The following CENPQ variants were observed in gnomAD, a reference collection of about 807,000 sequenced individuals.
CENPQ encodes chromosome 6 open reading frame 139.
A neutral mutation model predicts 36.6 loss-of-function variants in CENPQ; 27 were observed. The ratio of observed to expected loss-of-function variants is 0.74; its 90% confidence interval spans 0.54 to 1.02. CENPQ has a LOEUF of 1.02. Ranked by LOEUF, CENPQ falls within the 50% of genes least tolerant of loss-of-function variation. The pLI is 0.00. For missense variants in CENPQ, 306 were observed against 301.8 expected (o/e 1.01, Z -0.10); for synonymous variants, 101 against 101.7 (o/e 0.99, Z 0.04).
chr6:49,476,727 GAA>G (rs1213719060), intron 5 of CENPQ, among the ~76,000 whole-genome samples: 1 of 151,844 alleles, frequency 6.6e-6, no homozygotes, highest in Non-Finnish European at 1.5e-5. Context: ...AAATTTACAA[GAA>G]AAAAACAACC....
chr6:49,469,452 G>C (rs1001145467), intron 1 of CENPQ, among the ~76,000 whole-genome samples: 1 of 151,994 alleles, frequency 6.6e-6, no homozygotes, highest in African/African-American at 2.4e-5. Flanking sequence ...TCATTCTTCT[G>C]TTCCTTTTAT....
intron 1 of CENPQ, among the ~76,000 whole-genome samples, chr6:49,465,768 T>C (rs1767986589): frequency 6.6e-6 from 1 of 152,188 alleles, no homozygotes; most frequent in Admixed American, 6.5e-5. Flanking sequence ...CGTCTTTGGT[T>C]TAAGGGCGTG....
chr6:49,469,822 A>G (rs1436802131), intron 1 of CENPQ, among the ~76,000 whole-genome samples: 1 of 152,136 alleles, frequency 6.6e-6, no homozygotes, highest in Admixed American at 6.5e-5. Context: ...GGACTTAAAC[A>G]TGGAGAGGAT....
At chr6:49,491,306 A>G (rs1404952585) in intron 8 of CENPQ, among the ~76,000 whole-genome samples, 1 of 152,214 alleles carries the variant, frequency 6.6e-6, no homozygotes. Flanking sequence ...GCTATGTAAC[A>G]TTCTGTTGTA....
Position 49,488,596 on chromosome 6 carries a change from T to C in CENPQ, c.598-11T>C. 2 of 1,610,772 alleles carry C rather than the reference T, an allele frequency of 1.2e-6. 1 individual carries two copies. Among genetic ancestry groups the C allele is most frequent in the South Asian group, 2.2e-5 (2 of 90,788 alleles). ...CTTTTTGAAATAATCTGTAGCTTTC[T>C]TCTACTTTAGATGCATCAAATAAAT... On this transcript the variant is annotated splice_polypyrimidine_tract_variant and intron_variant, in intron 7 of 8. Coordinates refer to ENST00000335783, the MANE Select transcript of CENPQ (RefSeq NM_018132.4).
At chr6:49,477,537 G>A (rs1157888463) in intron 5 of CENPQ, among the ~76,000 whole-genome samples, 1 of 150,510 alleles carries the variant, frequency 6.6e-6, no homozygotes, top group East Asian at 1.9e-4. Flanking sequence ...GCACAGTTGT[G>A]CACATGTACC....
chr6:49,470,952 A>AT (rs1561964546), intron 2 of CENPQ, 22 bp from the exon 3 acceptor site: 3 of 1,391,906 alleles, frequency 2.2e-6, no homozygotes, highest in Non-Finnish European at 2.9e-6. Flanking sequence ...GTTTATGTTT[A>AT]TGCATGTGTT....
At chr6:49,475,456 C>T (rs183970492) in intron 5 of CENPQ, among the ~76,000 whole-genome samples, 175 of 152,300 alleles carry the variant, frequency 1.1e-3, no homozygotes, top group African/African-American at 3.7e-3. Flanking sequence ...GACAAATCCA[C>T]AGCCAATGTC....
At chr6:49,488,240 G>A (rs1768634859) in intron 6 of CENPQ, 112 bp from the exon 7 acceptor site, 1 of 789,624 alleles carries the variant, frequency 1.3e-6, no homozygotes, top group Non-Finnish European at 1.9e-6. Flanking sequence ...TTCTAAAAAT[G>A]TTTTAAATAT....
intron 3 of CENPQ, among the ~76,000 whole-genome samples, chr6:49,471,527 C>CT (rs543158754): frequency 1.3e-5 from 2 of 152,024 alleles, no homozygotes; most frequent in African/African-American, 4.8e-5. Flanking sequence ...GTGTACAATA[C>CT]TTTTTTTTCC....
intron 5 of CENPQ, among the ~76,000 whole-genome samples, chr6:49,473,668 C>A (rs564140053): frequency 9.4e-4 from 143 of 152,238 alleles, no homozygotes; most frequent in Middle Eastern, 6.8e-3. Flanking sequence ...TCACACATAA[C>A]AATATTAACC....
intron 1 of CENPQ, among the ~76,000 whole-genome samples, chr6:49,469,005 T>C (rs1416904841): frequency 6.6e-6 from 1 of 152,078 alleles, no homozygotes; most frequent in Non-Finnish European, 1.5e-5. Context: ...AGAGAATGAG[T>C]GTTTGGTAAG....
At chr6:49,477,267 G>C (rs1167791720) in intron 5 of CENPQ, among the ~76,000 whole-genome samples, 1 of 152,112 alleles carries the variant, frequency 6.6e-6, no homozygotes, top group African/African-American at 2.4e-5. Context: ...CATGTCCTTT[G>C]TAGGGACATG....
Position 49,488,497 on chromosome 6 carries a change from G to A in CENPQ, c.597+26G>A, listed in dbSNP as rs751997954. 20 of 1,603,698 alleles carry A rather than the reference G, an allele frequency of 1.2e-5. No homozygotes were observed. In the Middle Eastern group the frequency reaches 6.6e-4, roughly 53 times the overall value. On this transcript the variant is annotated intron_variant, in intron 7 of 8. Transcript: ENST00000335783. ...GTAATTATTTTAAACTGTATTATTG[G>A]AATTTGGATATAATTTTTAATGGTT... is the stretch of plus-strand genomic sequence containing the variant.
At chr6:49,473,505 G>C (rs1009066823) in intron 5 of CENPQ, among the ~76,000 whole-genome samples, 2 of 152,078 alleles carry the variant, frequency 1.3e-5, no homozygotes, top group South Asian at 2.1e-4. Context: ...TGCCCTAAAA[G>C]AGCTTCTGAA....
At chr6:49,483,740 G>A (rs930411733) in intron 6 of CENPQ, among the ~76,000 whole-genome samples, 6 of 152,242 alleles carry the variant, frequency 3.9e-5, no homozygotes, top group African/African-American at 1.4e-4. Context: ...ACGCCCACCT[G>A]GAACTACAGC....
In CENPQ at chr6:49,470,222, A is replaced by G; in HGVS notation, c.46A>G (p.Lys16Glu). Residue 16 changes from lysine to glutamate, a missense_variant, in exon 2 of 9, where the codon AAA becomes GAA. Lys to Glu is a moderately conservative substitution (Grantham distance 56, BLOSUM62 1). Coordinates refer to ENST00000335783, the MANE Select transcript of CENPQ (RefSeq NM_018132.4). Reference sequence around the variant, plus strand: ...TTCCAAGAAAAACGCTCAACAGTTAAAAAGAAATCCAAAGAGAAAAAAGGA... The same window carrying G: ...TTCCAAGAAAAACGCTCAACAGTTAGAAAGAAATCCAAAGAGAAAAAAGGA... Reference protein sequence around the residue: ...NASKKNAQQLKRNPKRKKDNE... With the variant: ...NASKKNAQQLERNPKRKKDNE... The G allele has an allele frequency of 6.2e-7, 1 of 1,611,946 alleles. No homozygotes were observed. Among genetic ancestry groups the G allele is most frequent in the South Asian group, 1.1e-5 (1 of 90,906 alleles).
chr6:49,472,882 T>A (rs776061574), intron 5 of CENPQ, 24 bp downstream of exon 5: 1 of 1,342,346 alleles, frequency 7.4e-7, no homozygotes, highest in South Asian at 1.5e-5. Context: ...ATAATTAAAA[T>A]GATTAAAACA....
chr6:49,483,555 C>T (rs1428133325), intron 6 of CENPQ, among the ~76,000 whole-genome samples: 1 of 152,190 alleles, frequency 6.6e-6, no homozygotes, highest in African/African-American at 2.4e-5. Context: ...GGTCCCAAGC[C>T]CTGCCCCACA....
Sources: gnomAD v4.1 joint callset for allele counts (sites outside exome capture counted in the v4.1 genomes callset) on GRCh38, gnomAD v4.1.1 for gene constraint, MANE v1.5 for transcripts, NCBI Gene and HGNC (gene_info 2026-07-23, HGNC 2026-07-21) for gene names.